Variants in FHOD3 observed in about 807,000 individuals in gnomAD.
FHOD3 encodes the protein formin homology 2 domain containing 3, also known as FH1/FH2 domain-containing protein 3.
FHOD3 carries 90 observed loss-of-function variants against 173.0 expected under a neutral mutation model. That is an observed-to-expected ratio of 0.52 (90% CI 0.44 to 0.62). The LOEUF is 0.62. Ranked by LOEUF, FHOD3 falls within the 20% of genes least tolerant of loss-of-function variation. The probability of loss-of-function intolerance (pLI) is 0.00; values close to 1 mark genes in which losing one functional copy is unlikely to be tolerated. For missense variants in FHOD3, 1,945 were observed against 2,034.7 expected, an observed-to-expected ratio of 0.96 and a Z score of 0.85; for synonymous variants, 828 against 823.0, an observed-to-expected ratio of 1.01 and a Z score of -0.10.
At position 36,561,443 on chromosome 18, in the gene FHOD3, G is replaced by A. The variant is rs963196735; in HGVS notation, c.512-15008G>A. The stretch of plus-strand genomic sequence containing the variant: ...AAGGAACCACCTCCCAGGACTGTTA[G>A]AGCACACGTCCAAGTCAGGAGGCCT... On this transcript the variant is annotated intron_variant, in intron 5 of 28. Transcript: ENST00000590592. Among the ~76,000 whole-genome samples the A allele has an allele frequency of 5.3e-4, 81 of 152,148 alleles. 1 individual carries two copies. Among genetic ancestry groups the A allele is most frequent in the African/African-American group, 1.9e-3 (79 of 41,442 alleles).
At chr18:36,639,814 G>GTTT (rs35647519) in intron 10 of FHOD3, among the ~76,000 whole-genome samples, 212 of 145,956 alleles carry the variant, frequency 1.5e-3, no homozygotes, top group Middle Eastern at 3.7e-3. Flanking sequence ...AGAATAAAGT[G>GTTT]TTTTTTTTTT....
chr18:36,470,188 C>T (rs899813894), intron 3 of FHOD3, among the ~76,000 whole-genome samples: 8 of 152,192 alleles, frequency 5.3e-5, no homozygotes, highest in Non-Finnish European at 7.3e-5. Context: ...GTCTGGAGGC[C>T]TCCGGGGGGT....
chr18:36,487,011 A>G (rs1417424899), intron 3 of FHOD3, among the ~76,000 whole-genome samples: 3 of 152,218 alleles, frequency 2.0e-5, no homozygotes, highest in African/African-American at 7.2e-5. Flanking sequence ...GCACCCTTGT[A>G]TAATGTACCA....
intron 3 of FHOD3, among the ~76,000 whole-genome samples, chr18:36,408,634 C>CA (rs1030846496): frequency 2.0e-5 from 3 of 152,128 alleles, no homozygotes; most frequent in African/African-American, 7.2e-5. Context: ...GACATAGTGC[C>CA]AGTGGTTACT....
At chr18:36,555,133 G>A (rs781240081) in intron 5 of FHOD3, among the ~76,000 whole-genome samples, 9 of 151,998 alleles carry the variant, frequency 5.9e-5, no homozygotes, top group Non-Finnish European at 1.3e-4. Context: ...TGGAAGCTGC[G>A]TTCATTGATT....
At chr18:36,762,761 A>G (rs2042934595) in intron 27 of FHOD3, among the ~76,000 whole-genome samples, 1 of 150,534 alleles carries the variant, frequency 6.6e-6, no homozygotes, top group Non-Finnish European at 1.5e-5. Flanking sequence ...GCGCCATTGC[A>G]CTCAAGCCTG....
chr18:36,449,759 T>A (rs1378323538), intron 3 of FHOD3, among the ~76,000 whole-genome samples: 1 of 152,190 alleles, frequency 6.6e-6, no homozygotes, highest in Non-Finnish European at 1.5e-5. Context: ...TTTTTCTCGA[T>A]GTATTAGGGA....
intron 14 of FHOD3, among the ~76,000 whole-genome samples, chr18:36,667,658 A>G (rs1216352561): frequency 6.6e-6 from 1 of 152,170 alleles, no homozygotes; most frequent in Non-Finnish European, 1.5e-5. Flanking sequence ...TGGTACATCT[A>G]TGTGGGGTAC....
rs559500532 is a variant in FHOD3 at position 36,513,400 on chromosome 18, C to A, written c.511+857C>A. ...CATAGTGTGCCAGGCAGCAGCTGTG[C>A]CCAGGCACTGAGGCATGTCAGGCGG... On this transcript the variant is annotated intron_variant, in intron 5 of 28. Transcript: ENST00000590592. Among the ~76,000 whole-genome samples, 39 of 152,296 alleles carry A rather than the reference C, an allele frequency of 2.6e-4. 1 individual carries two copies. Among genetic ancestry groups the A allele is most frequent in the Middle Eastern group, 3.4e-3 (1 of 294 alleles).
At chr18:36,395,932 AG>A (rs1021888145) in intron 3 of FHOD3, among the ~76,000 whole-genome samples, 2 of 152,172 alleles carry the variant, frequency 1.3e-5, no homozygotes, top group Non-Finnish European at 1.5e-5. Context: ...TAAATTGAAG[AG>A]GGTAAGGAGT....
At chr18:36,437,586 T>C (rs2050876609) in intron 3 of FHOD3, among the ~76,000 whole-genome samples, 1 of 152,030 alleles carries the variant, frequency 6.6e-6, no homozygotes, top group South Asian at 2.1e-4. Flanking sequence ...TACAAAAGCA[T>C]TGGTCAGCAA....
chr18:36,617,583 CTGTGTGTGTG>C (rs763613681), intron 9 of FHOD3, among the ~76,000 whole-genome samples: 91 of 116,344 alleles, frequency 7.8e-4, no homozygotes, highest in Admixed American at 3.4e-3. Flanking sequence ...TTGTACTTCC[CTGTGTGTGTG>C]TGTGTGTGTG....
At chr18:36,700,479 CCTT>C (rs2039519405) in intron 17 of FHOD3, among the ~76,000 whole-genome samples, 2 of 152,218 alleles carry the variant, frequency 1.3e-5, no homozygotes, top group Admixed American at 1.3e-4. Flanking sequence ...TTTGATTCCT[CCTT>C]CAACACTTAC....
chr18:36,473,438 C>G (rs2145200394), intron 3 of FHOD3, among the ~76,000 whole-genome samples: 1 of 152,258 alleles, frequency 6.6e-6, no homozygotes, highest in East Asian at 1.9e-4. Context: ...AATGCAGCAC[C>G]TGAGACCTGC....
At chr18:36,427,604 C>T (rs1419012826) in intron 3 of FHOD3, among the ~76,000 whole-genome samples, 1 of 152,246 alleles carries the variant, frequency 6.6e-6, no homozygotes, top group Non-Finnish European at 1.5e-5. Flanking sequence ...ATCAGTTTCA[C>T]TCTTGCGGAT....
At chr18:36,541,405 C>A (rs2057213245) in intron 5 of FHOD3, among the ~76,000 whole-genome samples, 1 of 151,816 alleles carries the variant, frequency 6.6e-6, no homozygotes, top group Non-Finnish European at 1.5e-5. Flanking sequence ...AAAATGAGAC[C>A]CTGTCTCTAC....
intron 5 of FHOD3, among the ~76,000 whole-genome samples, chr18:36,523,670 T>C (rs1046897590): frequency 6.6e-6 from 1 of 152,310 alleles, no homozygotes; most frequent in African/African-American, 2.4e-5. Context: ...CACTTTGCAC[T>C]GGAAATGCTG....
At chr18:36,373,247 G>C (rs2047278637) in intron 3 of FHOD3, among the ~76,000 whole-genome samples, 2 of 152,156 alleles carry the variant, frequency 1.3e-5, no homozygotes, top group Non-Finnish European at 2.9e-5. Flanking sequence ...GGGAAGCCCA[G>C]TTTCCTCCTG....
chr18:36,702,976 G>A (rs2039674242), intron 17 of FHOD3, among the ~76,000 whole-genome samples: 1 of 152,210 alleles, frequency 6.6e-6, no homozygotes, highest in Non-Finnish European at 1.5e-5. Flanking sequence ...CTGCTAGCAT[G>A]AGCTCTGCTT....
Sources: gnomAD v4.1 joint callset for allele counts (sites outside exome capture counted in the v4.1 genomes callset) on GRCh38, gnomAD v4.1.1 for gene constraint, MANE v1.5 for transcripts, NCBI Gene and HGNC (gene_info 2026-07-23, HGNC 2026-07-21) for gene names.